Variants in CNNM2 observed in about 807,000 individuals in gnomAD.
CNNM2 encodes metal transporter CNNM2.
Under a neutral mutation model 66.9 loss-of-function variants are expected in CNNM2, and 12 were observed. The ratio of observed to expected loss-of-function variants is 0.18; its 90% CI spans 0.11 to 0.29. The LOEUF (loss-of-function observed/expected upper bound fraction) is 0.29. Ranked by LOEUF, CNNM2 falls within the 10% of genes least tolerant of loss-of-function variation. CNNM2 has a pLI of 1.00. For missense variants in CNNM2, 705 were observed against 1,167.7 expected (o/e 0.60, Z 5.77); for synonymous variants, 557 against 501.8 (o/e 1.11, Z -1.47).
intron 1 of CNNM2, among the ~76,000 whole-genome samples, chr10:102,958,459 GTTTTTTTTTTTTTTTT>G (rs33992570): frequency 0.032 from 1,660 of 51,874 alleles, 54 homozygotes; most frequent in African/African-American, 0.11. Flanking sequence ...CAAGCAACTT[GTTTTTTTTTTTTTTTT>G]TTTTTTTTTT....
At chr10:103,068,342 T>G (rs1399678172) in intron 4 of CNNM2, 2 of 314,482 alleles carry the variant, frequency 6.4e-6, no homozygotes, top group Non-Finnish European at 1.2e-5. Context: ...TAAGGAGATC[T>G]ATCTCTACAA....
At chr10:102,952,733 T>C (rs1478365602) in intron 1 of CNNM2, among the ~76,000 whole-genome samples, 1 of 152,056 alleles carries the variant, frequency 6.6e-6, no homozygotes, top group Admixed American at 6.6e-5. Flanking sequence ...AACCCGAGTG[T>C]TGGGGGCAAC....
rs1350220698 is a variant in CNNM2, at chr10:103,083,761, C to A, written c.*6581C>A. On this transcript the variant is annotated 3_prime_UTR_variant, in exon 8 of 8. Transcript: ENST00000369878. Reference sequence around the variant, plus strand: ...AGTCACTAATAACAACACACAGTGCCGCTGGGCTAAGCCGGCATTTCCTAG... The same window carrying A: ...AGTCACTAATAACAACACACAGTGCAGCTGGGCTAAGCCGGCATTTCCTAG... 1 of 152,214 alleles carries A rather than the reference C, an allele frequency of 6.6e-6. No homozygotes were observed. Among genetic ancestry groups the A allele is most frequent in the South Asian group, 2.1e-4 (1 of 4,828 alleles). 9.4% of individuals were successfully genotyped at this position (152,214 alleles called of 1,614,324 possible).
intron 1 of CNNM2, among the ~76,000 whole-genome samples, chr10:103,022,506 ACT>A (rs2064606051): frequency 6.6e-6 from 1 of 151,958 alleles, no homozygotes; most frequent in South Asian, 2.1e-4. Context: ...TCTCTTTCCA[ACT>A]CTGTTTAGTG....
At chr10:102,995,782 A>T (rs1474755873) in intron 1 of CNNM2, among the ~76,000 whole-genome samples, 2 of 151,734 alleles carry the variant, frequency 1.3e-5, no homozygotes, top group Non-Finnish European at 2.9e-5. Flanking sequence ...GCTGGAGTGC[A>T]GTGGCGTGAT....
chr10:103,000,433 T>G (rs1034238733), intron 1 of CNNM2, among the ~76,000 whole-genome samples: 3 of 152,094 alleles, frequency 2.0e-5, no homozygotes, highest in Admixed American at 2.0e-4. Flanking sequence ...TTTGATTTTT[T>G]TGTGTGTGTT....
intron 1 of CNNM2, among the ~76,000 whole-genome samples, chr10:102,978,140 A>T (rs2063665711): frequency 6.7e-6 from 1 of 149,268 alleles, no homozygotes; most frequent in South Asian, 2.1e-4. Context: ...CAAACTCCTG[A>T]CCTCGTGATC....
intron 4 of CNNM2, among the ~76,000 whole-genome samples, chr10:103,064,927 T>C (rs559841245): frequency 6.6e-6 from 1 of 152,330 alleles, no homozygotes; most frequent in South Asian, 2.1e-4. Flanking sequence ...TCCCTGTATC[T>C]GTCTCTGTAG....
intron 1 of CNNM2, among the ~76,000 whole-genome samples, chr10:102,932,414 A>G (rs975763227): frequency 2.6e-5 from 4 of 152,106 alleles, no homozygotes; most frequent in East Asian, 3.8e-4. Context: ...GCCTAATCCA[A>G]GGTCACAAAG....
chr10:103,020,479 A>G (rs2064551921), intron 1 of CNNM2, among the ~76,000 whole-genome samples: 1 of 152,140 alleles, frequency 6.6e-6, no homozygotes, highest in Non-Finnish European at 1.5e-5. Flanking sequence ...GGTTATATTA[A>G]TTAATCCATT....
Position 103,089,588 on chromosome 10 carries a change from T to TAGAACCCTAA in CNNM2, c.*12409_*12418dup. ...CATGGAGCCCCCTCCCTCCCCCGAG[T>TAGAACCCTAA]AGAACCCTAACAGGGACCTCGTTTG... is the stretch of plus-strand genomic sequence containing the variant. On this transcript the variant is annotated 3_prime_UTR_variant, in exon 8 of 8. Coordinates refer to ENST00000369878, the MANE Select transcript of CNNM2 (RefSeq NM_017649.5). The TAGAACCCTAA allele has an allele frequency of 1.4e-6, 2 of 1,453,544 alleles. No individual in the cohort carries two copies. Among genetic ancestry groups the TAGAACCCTAA allele is most frequent in the Non-Finnish European group, 1.8e-6 (2 of 1,101,496 alleles). 90.0% of individuals were successfully genotyped at this position (1,453,544 alleles called of 1,614,324 possible). A position where few individuals can be genotyped will look rare whatever the true frequency, so the allele number is the denominator to read the frequency against.
At chr10:103,014,953 A>G (rs1000669697) in intron 1 of CNNM2, among the ~76,000 whole-genome samples, 5 of 152,206 alleles carry the variant, frequency 3.3e-5, no homozygotes, top group African/African-American at 1.2e-4. Context: ...ACATGCTTAC[A>G]AATTTAATAT....
At chr10:102,971,261 A>G (rs1424184968) in intron 1 of CNNM2, among the ~76,000 whole-genome samples, 2 of 146,862 alleles carry the variant, frequency 1.4e-5, no homozygotes, top group Non-Finnish European at 3.0e-5. Context: ...AAAAAAAAAA[A>G]GAAAAAAAAA....
rs2065800453 is a variant in CNNM2 at position 103,085,821 on chromosome 10, T to A, written c.*8641T>A. ...TATTTTTGAGATCACATACCTTTGT[T>A]GGAATGAATCAGACTGTTGTGGCCT... is the stretch of plus-strand genomic sequence containing the variant. On this transcript the variant is annotated 3_prime_UTR_variant, in exon 8 of 8. Transcript: ENST00000369878. 1 of 152,188 alleles carries A rather than the reference T, an allele frequency of 6.6e-6. No homozygotes were observed. Among genetic ancestry groups the A allele is most frequent in the South Asian group, 2.1e-4 (1 of 4,830 alleles). 9.4% of individuals were successfully genotyped at this position (152,188 alleles called of 1,614,324 possible).
chr10:102,975,323 AT>A (rs890843498), intron 1 of CNNM2, among the ~76,000 whole-genome samples: 4 of 152,292 alleles, frequency 2.6e-5, no homozygotes, highest in African/African-American at 9.6e-5. Context: ...ATGTTATCAA[AT>A]TTATTATTTT....
chr10:102,974,132 A>G (rs919485814), intron 1 of CNNM2, among the ~76,000 whole-genome samples: 8 of 152,162 alleles, frequency 5.3e-5, no homozygotes, highest in African/African-American at 1.9e-4. Flanking sequence ...TTTGTATTTG[A>G]AATTCTCTTC....
chr10:102,970,543 A>G (rs1020049179), intron 1 of CNNM2, among the ~76,000 whole-genome samples: 7 of 152,162 alleles, frequency 4.6e-5, no homozygotes, highest in African/African-American at 1.7e-4. Flanking sequence ...GCTCTCACCC[A>G]TTCCAGATGT....
intron 1 of CNNM2, among the ~76,000 whole-genome samples, chr10:102,969,874 C>T (rs967757754): frequency 1.3e-5 from 2 of 150,488 alleles, no homozygotes; most frequent in African/African-American, 2.4e-5. Flanking sequence ...AGCTCCTGAC[C>T]TCAGGTGATC....
In CNNM2 at chr10:103,072,600, C is replaced by T. The variant is rs373327588; in HGVS notation, c.2233+761C>T. Among the ~76,000 whole-genome samples, 8 of 152,232 alleles carry T rather than the reference C, an allele frequency of 5.3e-5. No homozygotes were observed. In the East Asian group the frequency reaches 7.7e-4, roughly 15 times the overall value. On this transcript the variant is annotated intron_variant, in intron 6 of 7. Coordinates refer to ENST00000369878, the MANE Select transcript of CNNM2 (RefSeq NM_017649.5). ...CGGCACATTCCTATCCCGCTGCTGCCGACTGCCCTGCAGGAGAGGGTGGCC... is the reference window on the plus strand; with the variant it reads ...CGGCACATTCCTATCCCGCTGCTGCTGACTGCCCTGCAGGAGAGGGTGGCC...
Sources: allele counts gnomAD v4.1 joint callset (sites outside exome capture counted in the v4.1 genomes callset), GRCh38; gene constraint gnomAD v4.1.1; transcripts MANE v1.5; gene names NCBI Gene and HGNC (gene_info 2026-07-23, HGNC 2026-07-21).